The following ADGRD1 variants were observed in gnomAD, a reference collection of about 807,000 sequenced individuals.
ADGRD1 encodes adhesion G protein-coupled receptor D1.
In ADGRD1, 77 loss-of-function variants were observed where a neutral mutation model predicts 113.4. That is an observed-to-expected ratio of 0.68 (90% CI 0.57 to 0.82). ADGRD1 has a LOEUF of 0.82. Among genes scored for constraint, ADGRD1 ranks in the 40% least tolerant of loss-of-function variants. The pLI, the probability that ADGRD1 is intolerant of heterozygous loss-of-function variation, is 0.00. For missense variants in ADGRD1, 1,036 were observed against 1,139.1 expected (o/e 0.91, Z 1.30); for synonymous variants, 474 against 475.0 (o/e 1.00, Z 0.03).
rs149859410 is a variant in ADGRD1, at chr12:131,118,438, G to C, written c.2095G>C (p.Gly699Arg). 1 of 1,610,988 alleles carries C rather than the reference G, an allele frequency of 6.2e-7. No individual in the cohort carries two copies. The highest frequency in any genetic ancestry group is 1.1e-5 in the South Asian group (1 of 90,484). Residue 699 changes from glycine (G) to arginine (R), a missense_variant, in exon 19 of 25, where the codon GGA becomes CGA. Gly to Arg is a moderately radical substitution (Grantham distance 125). Transcript: ENST00000261654. Reference sequence around the variant, plus strand: ...ACTGTCATTTGCCATGGACAGTTACGGAACAAGCAACAAGTAAGTGCAGGG... The same window carrying C: ...ACTGTCATTTGCCATGGACAGTTACCGAACAAGCAACAAGTAAGTGCAGGG... ...ISLSFAMDSY[G>R]TSNNCWLSLA...
intron 12 of ADGRD1, among the ~76,000 whole-genome samples, chr12:131,007,712 A>G (rs950011910): frequency 6.6e-6 from 1 of 152,282 alleles, no homozygotes. Context: ...CAGCATTGAC[A>G]CCAGCCCCAC....
intron 2 of ADGRD1, among the ~76,000 whole-genome samples, chr12:130,960,200 CA>C (rs1870172123): frequency 6.6e-6 from 1 of 152,172 alleles, no homozygotes; most frequent in Non-Finnish European, 1.5e-5. Flanking sequence ...AAAACAAACC[CA>C]AAGCATGTCA....
chr12:130,997,191 C>G (rs1379679267), intron 8 of ADGRD1, among the ~76,000 whole-genome samples: 5 of 140,744 alleles, frequency 3.6e-5, no homozygotes, highest in Non-Finnish European at 6.3e-5. Flanking sequence ...GGGGCTGACC[C>G]CCCCCCCCGG....
rs972174473 is a variant in ADGRD1, at chr12:131,057,569, G to C, written c.1474-19232G>C. On this transcript the variant is annotated intron_variant, in intron 13 of 24. Coordinates refer to ENST00000261654, the MANE Select transcript of ADGRD1 (RefSeq NM_198827.5). This position sits in a 1 kb window ranked among gnomAD's most constrained non-coding sequence, Gnocchi z 4.2. ...CTCCTAGTAGTCCTGGCCTGCGGCA[G>C]CCAACTCCAGTCTCTGCCCCGTCTC... 1.3e-5 allele frequency among the ~76,000 whole-genome samples: 2 copies of C among 152,164 alleles called. No individual in the cohort carries two copies. The highest frequency in any genetic ancestry group is 4.8e-5 in the African/African-American group (2 of 41,436).
chr12:131,051,877 AGAATT>A (rs1280505837), intron 13 of ADGRD1, among the ~76,000 whole-genome samples: 3 of 152,048 alleles, frequency 2.0e-5, no homozygotes, highest in African/African-American at 2.4e-5. Flanking sequence ...AGAGTGGTGG[AGAATT>A]GAATTGAATT....
At position 130,954,012 on chromosome 12, in the gene ADGRD1, C is replaced by A. The variant is rs1869215493; in HGVS notation, c.-454C>A. The A allele has an allele frequency of 1.3e-5, 2 of 154,680 alleles. No individual in the cohort carries two copies. Among genetic ancestry groups the A allele is most frequent in the Admixed American group, 1.3e-4 (2 of 15,346 alleles). The allele number at this position is 154,680 out of a possible 1,614,324, so 9.6% of individuals were successfully genotyped here. On this transcript the variant is annotated 5_prime_UTR_variant, in exon 1 of 25. Transcript: ENST00000261654. This position sits in a 1 kb window ranked among gnomAD's most constrained non-coding sequence, Gnocchi z 4.7. ...GACAAGCCCGAGGAGCAGGCGGGCG[C>A]TCCAGGGGAAAACCACGCACAAAAC...
At chr12:130,964,297 CTGGTATAAAGAGTGAGGT>C (rs1870753425) in intron 2 of ADGRD1, among the ~76,000 whole-genome samples, 1 of 151,640 alleles carries the variant, frequency 6.6e-6, no homozygotes, top group African/African-American at 2.4e-5. Context: ...GGAAATTGTT[CTGGTATAAAGAGTGAGGT>C]TGGGATCTTA....
intron 8 of ADGRD1, among the ~76,000 whole-genome samples, chr12:130,997,930 A>G (rs917630037): frequency 6.6e-6 from 1 of 152,214 alleles, no homozygotes; most frequent in Non-Finnish European, 1.5e-5. Flanking sequence ...CACTGAGTGA[A>G]CCAGACACCG....
intron 13 of ADGRD1, among the ~76,000 whole-genome samples, chr12:131,040,538 G>A (rs1189804875): frequency 4.6e-5 from 7 of 152,198 alleles, no homozygotes; most frequent in African/African-American, 1.7e-4. Flanking sequence ...ACCTAGGATC[G>A]TCCTGTGAGC....
chr12:131,029,476 G>T (rs1402062136), intron 13 of ADGRD1, among the ~76,000 whole-genome samples: 1 of 151,850 alleles, frequency 6.6e-6, no homozygotes, highest in Non-Finnish European at 1.5e-5. Context: ...AGGCTCTGGG[G>T]TTAGGTTGTG....
At chr12:131,017,959 C>G (rs1157545278) in intron 13 of ADGRD1, among the ~76,000 whole-genome samples, 2 of 152,202 alleles carry the variant, frequency 1.3e-5, no homozygotes, top group Non-Finnish European at 2.9e-5. Context: ...AGTGCATGTA[C>G]CTGCATCCAG....
chr12:130,956,722 G>GGGT lies in ADGRD1; in HGVS notation c.103+2063_103+2065dup, dbSNP rs1287127810. 5 of 152,366 alleles carry GGGT rather than the reference G, an allele frequency of 3.3e-5. No homozygotes were observed. The South Asian group carries it at 1.0e-3, about 32-fold the overall frequency. 9.4% of individuals were successfully genotyped at this position (152,366 alleles called of 1,614,324 possible). ...GCTCAGTGTTGGAGAAAAGCTGTGC[G>GGGT]GGTTCTCCCCGGACTTCTGCTTATG... On this transcript the variant is annotated intron_variant, in intron 2 of 24. Coordinates refer to ENST00000261654, the MANE Select transcript of ADGRD1 (RefSeq NM_198827.5).
intron 13 of ADGRD1, among the ~76,000 whole-genome samples, chr12:131,033,147 C>G (rs556676922): frequency 6.6e-6 from 1 of 152,220 alleles, no homozygotes; most frequent in African/African-American, 2.4e-5. Flanking sequence ...GCCCACCCTC[C>G]GTGTGCAGAC....
At chr12:131,128,134 G>T (rs990986359) in intron 20 of ADGRD1, among the ~76,000 whole-genome samples, 4 of 146,590 alleles carry the variant, frequency 2.7e-5, no homozygotes, top group Admixed American at 2.7e-4. Flanking sequence ...GTTTGACTGT[G>T]TTGGTTGTGA....
chr12:131,030,006 A>T lies in ADGRD1; in HGVS notation c.1473+15666A>T, dbSNP rs116730319. ...GGACCCCTCTTATGGTAACATTCCC[A>T]GGCTCTGGGGTTAGGATGTGGACCC... On this transcript the variant is annotated intron_variant, in intron 13 of 24. Transcript: ENST00000261654. Among the ~76,000 whole-genome samples the T allele has an allele frequency of 7.4e-3, 1,017 of 137,988 alleles. 65 individuals are homozygous for T. The highest frequency in any genetic ancestry group is 0.024 in the African/African-American group (798 of 32,976). 90.5% of individuals were successfully genotyped at this position (137,988 alleles called of 152,430 possible).
At chr12:131,040,048 G>A (rs975788287) in intron 13 of ADGRD1, among the ~76,000 whole-genome samples, 3 of 152,276 alleles carry the variant, frequency 2.0e-5, no homozygotes, top group African/African-American at 4.8e-5. Context: ...CCCCACCAGC[G>A]GCACCCTCAG....
At chr12:131,090,197 G>C (rs1886817758) in intron 15 of ADGRD1, among the ~76,000 whole-genome samples, 1 of 152,180 alleles carries the variant, frequency 6.6e-6, no homozygotes, top group Non-Finnish European at 1.5e-5. Context: ...AGGTTGATTT[G>C]AAAATGGTTT....
chr12:131,049,299 C>T (rs1302806192), intron 13 of ADGRD1, among the ~76,000 whole-genome samples: 2 of 152,182 alleles, frequency 1.3e-5, no homozygotes, highest in Admixed American at 1.3e-4. Flanking sequence ...GGTTGTGAGC[C>T]CTGCGCTGTC....
intron 18 of ADGRD1, among the ~76,000 whole-genome samples, chr12:131,117,769 T>C (rs1461765005): frequency 6.6e-6 from 1 of 152,210 alleles, no homozygotes; most frequent in Non-Finnish European, 1.5e-5. Flanking sequence ...ACTGTAAGAA[T>C]GTGGACTGTG....
Sources: allele counts gnomAD v4.1 joint callset (sites outside exome capture counted in the v4.1 genomes callset), GRCh38; gene constraint gnomAD v4.1.1; non-coding constraint Gnocchi (gnomAD v3.1); transcripts MANE v1.5; gene names NCBI Gene and HGNC (gene_info 2026-07-23, HGNC 2026-07-21).